Variants in KCNS3 observed in about 807,000 individuals in gnomAD.
KCNS3 encodes the protein potassium voltage-gated channel modifier subfamily S member 3.
In KCNS3, 13 loss-of-function variants were observed where a neutral mutation model predicts 31.0. That is an observed-to-expected ratio of 0.42 (90% CI 0.27 to 0.67). KCNS3 has a LOEUF of 0.67. Ranked by LOEUF, KCNS3 falls within the 30% of genes least tolerant of loss-of-function variation. The probability of loss-of-function intolerance (pLI) is 0.25; values close to 1 mark genes in which losing one functional copy is unlikely to be tolerated. For synonymous variants in KCNS3, 238 were observed against 241.5 expected (o/e 0.99, Z 0.13); for missense variants, 545 against 622.4 (o/e 0.88, Z 1.32).
intron 1 of KCNS3, among the ~76,000 whole-genome samples, chr2:17,888,630 T>TAC (rs1661755573): frequency 1.3e-4 from 1 of 7,942 alleles, no homozygotes; most frequent in Non-Finnish European, 3.1e-4. Context: ...AAAAAAAATG[T>TAC]ATATATATAT....
In KCNS3 at chr2:17,931,658, T is replaced by G. The variant is rs772605558; in HGVS notation, c.650T>G (p.Val217Gly). Residue 217 changes from valine to glycine, a missense_variant, in exon 3 of 3, where the codon GTG (valine) becomes GGG (glycine). Val to Gly is a moderately radical substitution (Grantham distance 109). Transcript: ENST00000304101. The surrounding 1 kb of genome is among the most constrained non-coding windows in gnomAD (Gnocchi z 5.4). ...MSEFQNEDGEVDDPVLEGVEI... is the reference protein window; with the variant it reads ...MSEFQNEDGEGDDPVLEGVEI... ...GAGTTCCAGAATGAGGATGGAGAAG[T>G]GGATGATCCGGTGCTGGAAGGAGTG... 6.2e-7 allele frequency: 1 copy of G among 1,614,126 alleles called. No individual in the cohort carries two copies. The highest frequency in any genetic ancestry group is 8.5e-7 in the Non-Finnish European group (1 of 1,180,012).
intron 1 of KCNS3, among the ~76,000 whole-genome samples, chr2:17,904,593 G>T (rs1160561201): frequency 6.7e-6 from 1 of 149,818 alleles, no homozygotes; most frequent in African/African-American, 2.5e-5. Flanking sequence ...ATGGTTTTAG[G>T]TCTAACATTT....
chr2:17,884,739 A>G (rs1419600819), intron 1 of KCNS3, among the ~76,000 whole-genome samples: 1 of 152,138 alleles, frequency 6.6e-6, no homozygotes, highest in Non-Finnish European at 1.5e-5. Context: ...TAACAGATAT[A>G]TACCTCTGTG....
rs536662350 is a variant in KCNS3, at chr2:17,904,262, G to A, written c.-251-13418G>A. Among the ~76,000 whole-genome samples, 68 of 152,262 alleles carry A rather than the reference G, an allele frequency of 4.5e-4. No individual in the cohort carries two copies. In the East Asian group the frequency reaches 0.01, roughly 23 times the overall value. On this transcript the variant is annotated intron_variant, in intron 1 of 2. Transcript: ENST00000304101. ...TTTGGCTGCATAAATGTCTTCTTTT[G>A]AGAAGTGTCTGTTCATATCCTTCGC...
chr2:17,891,948 C>T (rs1661865751), intron 1 of KCNS3, among the ~76,000 whole-genome samples: 1 of 152,088 alleles, frequency 6.6e-6, no homozygotes, highest in South Asian at 2.1e-4. Flanking sequence ...GTTCTTTGTG[C>T]TTCTTGGATT....
intron 1 of KCNS3, among the ~76,000 whole-genome samples, chr2:17,893,413 G>T (rs187168001): frequency 1.3e-5 from 2 of 152,290 alleles, no homozygotes; most frequent in South Asian, 4.2e-4. Flanking sequence ...ATTAGGATTC[G>T]CAACCTCTCC....
At chr2:17,899,165 T>TG (rs1662102122) in intron 1 of KCNS3, among the ~76,000 whole-genome samples, 1 of 151,296 alleles carries the variant, frequency 6.6e-6, no homozygotes, top group Non-Finnish European at 1.5e-5. Flanking sequence ...GGTGGAGGTT[T>TG]CAGTGAGCCG....
At chr2:17,916,379 G>A (rs534209843) in intron 1 of KCNS3, among the ~76,000 whole-genome samples, 9 of 152,144 alleles carry the variant, frequency 5.9e-5, no homozygotes, top group African/African-American at 2.2e-4. Context: ...GGAAGGGGAG[G>A]AGGAGGAAAG....
chr2:17,892,850 A>G (rs763903753), intron 1 of KCNS3, among the ~76,000 whole-genome samples: 1 of 152,126 alleles, frequency 6.6e-6, no homozygotes, highest in African/African-American at 2.4e-5. Context: ...GGAGGGTGCA[A>G]TGGACTCCAT....
chr2:17,932,043 G>A lies in KCNS3; in HGVS notation c.1035G>A (p.Val345=), dbSNP rs774394708. 20 of 1,614,088 alleles carry A rather than the reference G, an allele frequency of 1.2e-5. No homozygotes were observed. In the South Asian group the frequency reaches 2.1e-4, roughly 17 times the overall value. The part of the protein sequence containing the change: ...ISIFSVLIYS[V]EKDDHTSSLT... The stretch of plus-strand genomic sequence containing the variant: ...TTTTCTCTGTGCTTATCTACTCCGT[G>A]GAGAAAGATGACCACACATCCAGCC... The change falls in exon 3 of 3, where the codon GTG becomes GTA. Residue 345 remains valine (V), a synonymous_variant. Transcript: ENST00000304101.
At chr2:17,923,963 A>G (rs1456401721) in intron 2 of KCNS3, among the ~76,000 whole-genome samples, 2 of 152,008 alleles carry the variant, frequency 1.3e-5, no homozygotes, top group African/African-American at 4.8e-5. Context: ...GGGTATTGCC[A>G]TTTAACAATA....
At chr2:17,891,084 T>C (rs1278438431) in intron 1 of KCNS3, among the ~76,000 whole-genome samples, 2 of 152,198 alleles carry the variant, frequency 1.3e-5, no homozygotes, top group African/African-American at 4.8e-5. Flanking sequence ...GTAATTGTTT[T>C]ATAAATTTGG....
At position 17,908,492 on chromosome 2, in the gene KCNS3, G is replaced by A. The variant is rs141583593; in HGVS notation, c.-251-9188G>A. 8.3e-3 allele frequency among the ~76,000 whole-genome samples: 1,268 copies of A among 152,298 alleles called. 7 individuals carry two copies. The highest frequency in any genetic ancestry group is 0.014 in the Non-Finnish European group (957 of 68,036). ...GACATTCTCCATCCAGCTTTGTTCCGTTGCTGGCGTGGAGCTGCATCCCTA... is the reference window on the plus strand; with the variant it reads ...GACATTCTCCATCCAGCTTTGTTCCATTGCTGGCGTGGAGCTGCATCCCTA... On this transcript the variant is annotated intron_variant, in intron 1 of 2. Coordinates refer to ENST00000304101, the MANE Select transcript of KCNS3 (RefSeq NM_002252.5).
At chr2:17,914,890 A>C (rs1358271590) in intron 1 of KCNS3, among the ~76,000 whole-genome samples, 12 of 152,126 alleles carry the variant, frequency 7.9e-5, no homozygotes, top group Non-Finnish European at 1.5e-4. Flanking sequence ...TTGGAGGGCA[A>C]CCTTACTCCT....
chr2:17,905,609 G>C (rs1033203090), intron 1 of KCNS3, among the ~76,000 whole-genome samples: 1 of 152,150 alleles, frequency 6.6e-6, no homozygotes, highest in Non-Finnish European at 1.5e-5. Context: ...GTCATAAATA[G>C]CTCTTATTAT....
intron 2 of KCNS3, among the ~76,000 whole-genome samples, chr2:17,926,255 C>A (rs1043222290): frequency 1.3e-4 from 20 of 152,222 alleles, no homozygotes; most frequent in African/African-American, 4.3e-4. Context: ...CAGCCCTCCT[C>A]CCAGCTGCTT....
chr2:17,878,645 T>C (rs10182515), upstream of KCNS3: 130,477 of 148,350 alleles, frequency 0.88, 57,426 homozygotes, highest in East Asian at 0.98. Flanking sequence ...AGCCTCGCTC[T>C]AGCGGGGCGG....
chr2:17,893,795 C>T (rs1054948175), intron 1 of KCNS3, among the ~76,000 whole-genome samples: 5 of 152,054 alleles, frequency 3.3e-5, no homozygotes, highest in South Asian at 2.1e-4. Context: ...AGGAGCAGTC[C>T]GCTTCCTTCA....
rs757681452 is a variant in KCNS3, at chr2:17,932,094, G to T, written c.1086G>T (p.Trp362Cys). 1.2e-6 allele frequency: 2 copies of T among 1,614,014 alleles called. No individual in the cohort carries two copies. The highest frequency in any genetic ancestry group is 3.3e-5 in the Admixed American group (2 of 60,018). ...SSLTSIPICW[W>C]WATISMTTVG... ...TCACCAGCATCCCCATCTGCTGGTG[G>T]TGGGCCACCATCAGCATGACAACTG... Residue 362 changes from tryptophan (W) to cysteine (C), a missense_variant, in exon 3 of 3, where the codon TGG (tryptophan) becomes TGT (cysteine). Trp to Cys is a radical substitution (Grantham distance 215). Transcript: ENST00000304101.
Sources: allele counts gnomAD v4.1 joint callset (sites outside exome capture counted in the v4.1 genomes callset), GRCh38; gene constraint gnomAD v4.1.1; non-coding constraint Gnocchi (gnomAD v3.1); transcripts MANE v1.5; gene names NCBI Gene and HGNC (gene_info 2026-07-23, HGNC 2026-07-21).